Variants in DRG2 observed in about 807,000 individuals in gnomAD.
The protein encoded by DRG2 is developmentally-regulated GTP-binding protein 2.
DRG2 carries 36 observed loss-of-function variants against 53.4 expected under a neutral mutation model. The ratio of observed to expected loss-of-function variants is 0.67; its 90% CI spans 0.52 to 0.89. The LOEUF is 0.89. Among genes scored for constraint, DRG2 ranks in the 40% least tolerant of loss-of-function variants. The pLI, the probability that DRG2 is intolerant of heterozygous loss-of-function variation, is 0.00. For synonymous variants in DRG2, 167 were observed against 192.1 expected, an observed-to-expected ratio of 0.87 and a Z score of 1.08; for missense variants, 342 against 481.2, an observed-to-expected ratio of 0.71 and a Z score of 2.71.
intron 1 of DRG2, among the ~76,000 whole-genome samples, chr17:18,090,383 TA>T (rs1567597933): frequency 0.14 from 4,842 of 34,568 alleles, 1,026 homozygotes; most frequent in South Asian, 0.21. Flanking sequence ...TATATATATA[TA>T]TATATATATA....
At chr17:18,093,454 G>A (rs1030877071) in intron 1 of DRG2, among the ~76,000 whole-genome samples, 1 of 152,056 alleles carries the variant, frequency 6.6e-6, no homozygotes, top group Non-Finnish European at 1.5e-5. Flanking sequence ...AAATAGTTGG[G>A]ATTACAGGCA....
chr17:18,101,534 C>T lies in DRG2; in HGVS notation c.673C>T (p.Pro225Ser). The change falls in exon 8 of 13, where the codon CCG (proline) becomes TCG (serine). Residue 225 changes from proline (P) to serine (S), a missense_variant. Pro to Ser is a moderately conservative substitution (Grantham distance 74). Coordinates refer to ENST00000225729, the MANE Select transcript of DRG2 (RefSeq NM_001388.5). ...AEVLFREDCS[P>S]DEFIDVIVGN... ...AGTGCTTTTCCGAGAAGACTGCTCC[C>T]CGGACGAGTTCATCGATGTGATCGT... 1.2e-6 allele frequency: 2 copies of T among 1,614,192 alleles called. No homozygotes were observed. The highest frequency in any genetic ancestry group is 8.5e-7 in the Non-Finnish European group (1 of 1,180,040).
chr17:18,090,488 C>T (rs1010710634), intron 1 of DRG2, among the ~76,000 whole-genome samples: 1 of 135,874 alleles, frequency 7.4e-6, no homozygotes, highest in African/African-American at 2.8e-5. Context: ...GCAATCTCGG[C>T]TCACCGCAAC....
At chr17:18,102,708 C>T (rs994165323) in intron 9 of DRG2, among the ~76,000 whole-genome samples, 1 of 151,794 alleles carries the variant, frequency 6.6e-6, no homozygotes, top group Admixed American at 6.6e-5. Flanking sequence ...CCTACCTCTC[C>T]TGGTGCTCTG....
intron 1 of DRG2, among the ~76,000 whole-genome samples, chr17:18,093,520 G>A (rs1249212786): frequency 1.3e-5 from 2 of 152,216 alleles, no homozygotes; most frequent in East Asian, 3.9e-4. Context: ...GTTTCTCCAT[G>A]TTGGTCAGGC....
chr17:18,092,305 A>G (rs2974998), intron 1 of DRG2, among the ~76,000 whole-genome samples: 59,504 of 152,004 alleles, frequency 0.39, 12,356 homozygotes, highest in South Asian at 0.7. Context: ...CTCTACAAAA[A>G]CAATTTTTTT....
intron 2 of DRG2, chr17:18,097,494 G>A (rs2045453149): frequency 6.6e-6 from 1 of 152,316 alleles, no homozygotes; most frequent in African/African-American, 2.4e-5. Context: ...CCCTCCCTGG[G>A]TCTGCCCACT....
In DRG2 at chr17:18,088,095, C is replaced by T. The variant is rs942924601; in HGVS notation, c.64+8C>T. On this transcript the variant is annotated splice_region_variant and intron_variant, in intron 1 of 12. Transcript: ENST00000225729. Reference sequence around the variant, plus strand: ...GGACACAGAAGAACAAGGGTGAGGGCCGGCCGGGCGGGGCCTTCCTTTCTG... The same window carrying T: ...GGACACAGAAGAACAAGGGTGAGGGTCGGCCGGGCGGGGCCTTCCTTTCTG... 3.2e-6 allele frequency: 5 copies of T among 1,541,732 alleles called. No homozygotes were observed. Among genetic ancestry groups the T allele is most frequent in the East Asian group, 2.5e-5 (1 of 39,692 alleles).
chr17:18,101,739 G>A (rs2142200534), intron 8 of DRG2, 149 bp downstream of exon 8: 2 of 1,075,782 alleles, frequency 1.9e-6, no homozygotes, highest in South Asian at 1.5e-5. Flanking sequence ...GGATCTTGCA[G>A]ACATAGAGAG....
In DRG2 at chr17:18,100,606, T is replaced by A; in HGVS notation, c.578T>A (p.Val193Asp). The change falls in exon 7 of 13, where the codon GTC becomes GAC. Residue 193 changes from valine (V) to aspartate (D), a missense_variant. Coordinates refer to ENST00000225729, the MANE Select transcript of DRG2 (RefSeq NM_001388.5). This position sits in a 1 kb window ranked among gnomAD's most constrained non-coding sequence, Gnocchi z 4.1. ...GGTGGCATCTCCTTTAACTCGACAG[T>A]CACGCTGACCCAGTGCTCGGAAAAG... The part of the protein sequence containing the change: ...KGGGISFNST[V>D]TLTQCSEKLV... The A allele has an allele frequency of 6.2e-7, 1 of 1,614,194 alleles. No homozygotes were observed. The highest frequency in any genetic ancestry group is 8.5e-7 in the Non-Finnish European group (1 of 1,180,034).
At position 18,099,182 on chromosome 17, in the gene DRG2, A is replaced by T; in HGVS notation, c.376+105A>T. 6.9e-7 allele frequency: 1 copy of T among 1,457,530 alleles called. No individual in the cohort carries two copies. The highest frequency in any genetic ancestry group is 1.2e-5 in the South Asian group (1 of 85,026). The allele number at this position is 1,457,530 out of a possible 1,614,324, so 90.3% of individuals were successfully genotyped here. ...GATCACTCTGGATCCCTGGTCCATT[A>T]TCCCGCTTTCCAGAAAAGACAGGTT... On this transcript the variant is annotated intron_variant, in intron 4 of 12. Coordinates refer to ENST00000225729, the MANE Select transcript of DRG2 (RefSeq NM_001388.5). The surrounding 1 kb of genome is among the most constrained non-coding windows in gnomAD (Gnocchi z 4.4).
chr17:18,088,662 A>G (rs2045260016), intron 1 of DRG2, among the ~76,000 whole-genome samples: 1 of 152,220 alleles, frequency 6.6e-6, no homozygotes, highest in Non-Finnish European at 1.5e-5. Context: ...CTTAGTACAC[A>G]GCTGAGTTAA....
chr17:18,089,619 G>A (rs1474980925), intron 1 of DRG2, among the ~76,000 whole-genome samples: 1 of 152,192 alleles, frequency 6.6e-6, no homozygotes, highest in African/African-American at 2.4e-5. Flanking sequence ...TGATACAGCA[G>A]AATATTGGGG....
rs1009302623 is a variant in DRG2, at chr17:18,103,926, G to A, written c.895+37G>A. 1 of 1,603,326 alleles carries A rather than the reference G, an allele frequency of 6.2e-7. No individual in the cohort carries two copies. Among genetic ancestry groups the A allele is most frequent in the African/African-American group, 1.3e-5 (1 of 74,696 alleles). The stretch of plus-strand genomic sequence containing the variant: ...TGCGCGTAGCTGAAAAACAGGCTGA[G>A]CTTCATCCCTAGAAGGCTGCCAGGC... On this transcript the variant is annotated intron_variant, in intron 10 of 12. Transcript: ENST00000225729. The surrounding 1 kb of genome is among the most constrained non-coding windows in gnomAD (Gnocchi z 4.4).
At chr17:18,097,967 G>GC (rs2045462023) in intron 2 of DRG2, 1 of 226,184 alleles carries the variant, frequency 4.4e-6, no homozygotes, top group African/African-American at 2.3e-5. Context: ...GGAGGATTGT[G>GC]TGGGGTTAGG....
chr17:18,099,797 G>T lies in DRG2; in HGVS notation c.467+74G>T. 6.8e-7 allele frequency: 1 copy of T among 1,474,462 alleles called. No individual in the cohort carries two copies. The highest frequency in any genetic ancestry group is 9.3e-7 in the Non-Finnish European group (1 of 1,081,030). The allele number at this position is 1,474,462 out of a possible 1,614,324, so 91.3% of individuals were successfully genotyped here. On this transcript the variant is annotated intron_variant, in intron 5 of 12. Coordinates refer to ENST00000225729, the MANE Select transcript of DRG2 (RefSeq NM_001388.5). The surrounding 1 kb of genome is among the most constrained non-coding windows in gnomAD (Gnocchi z 4.4). ...ATGTGTCCCTGAGCTCGTACTAGGC[G>T]GCCTGTGGGTGTTTGGCTCTCTCAC...
rs2045628282 is a variant in DRG2, at chr17:18,106,292, C to G, written c.955-141C>G. On this transcript the variant is annotated intron_variant, in intron 11 of 12. Transcript: ENST00000225729. ...GCGAATTGAGCACGTCAGTCCTCCA[C>G]ACAAGGCCCAGACTGTGTGGGCACC... 29 of 868,176 alleles carry G rather than the reference C, an allele frequency of 3.3e-5. No individual in the cohort carries two copies. The South Asian group carries it at 4.3e-4, about 13-fold the overall frequency. The allele number at this position is 868,176 out of a possible 1,614,324, so 53.8% of individuals were successfully genotyped here. A position where few individuals can be genotyped will look rare whatever the true frequency, so the allele number is the denominator to read the frequency against.
At position 18,100,323 on chromosome 17, in the gene DRG2, G is replaced by A; in HGVS notation, c.468-40G>A. ...ACAGGGAAGCTGTGCATCTGGCTCT[G>A]TGGACAGCCTGTGAGGGGCTTAAGG... On this transcript the variant is annotated intron_variant, in intron 5 of 12. Coordinates refer to ENST00000225729, the MANE Select transcript of DRG2 (RefSeq NM_001388.5). The surrounding 1 kb of genome is among the most constrained non-coding windows in gnomAD (Gnocchi z 4.1). 1.2e-6 allele frequency: 2 copies of A among 1,605,646 alleles called. No individual in the cohort carries two copies. Among genetic ancestry groups the A allele is most frequent in the Middle Eastern group, 1.7e-4 (1 of 5,770 alleles).
intron 11 of DRG2, 117 bp from the exon 12 acceptor site, chr17:18,106,316 C>G (rs1183990099): frequency 1.7e-6 from 2 of 1,146,170 alleles, no homozygotes; most frequent in Non-Finnish European, 2.6e-6. Context: ...TGTGTGGGCA[C>G]CTGCCGCGGG....
Sources: allele counts gnomAD v4.1 joint callset (sites outside exome capture counted in the v4.1 genomes callset), GRCh38; gene constraint gnomAD v4.1.1; non-coding constraint Gnocchi (gnomAD v3.1); transcripts MANE v1.5; gene names NCBI Gene and HGNC (gene_info 2026-07-23, HGNC 2026-07-21).